Variants in ZNF804B observed in about 807,000 individuals in gnomAD.
ZNF804B encodes zinc finger protein 804B, also known as zinc finger 804B.
ZNF804B carries 80 observed loss-of-function variants against 101.4 expected under a neutral mutation model. The observed-to-expected ratio is 0.79, with a 90% confidence interval of 0.66 to 0.95. The LOEUF (loss-of-function observed/expected upper bound fraction) is 0.95, where lower values mean the gene tolerates loss of function less well. Among genes scored for constraint, ZNF804B ranks in the 40% least tolerant of loss-of-function variants. The probability of loss-of-function intolerance (pLI) is 0.00; values close to 1 mark genes in which losing one functional copy is unlikely to be tolerated. For missense variants in ZNF804B, 1,673 were observed against 1,561.9 expected (o/e 1.07, Z -1.20); for synonymous variants, 622 against 558.8 (o/e 1.11, Z -1.59).
At chr7:88,924,109 T>G (rs1354549835) in intron 1 of ZNF804B, among the ~76,000 whole-genome samples, 2 of 152,070 alleles carry the variant, frequency 1.3e-5, no homozygotes, top group African/African-American at 4.8e-5. Context: ...GATGTATGTG[T>G]TTTTTAAAAA....
chr7:89,235,304 G>T (rs1459249732), intron 2 of ZNF804B, among the ~76,000 whole-genome samples: 2 of 152,120 alleles, frequency 1.3e-5, no homozygotes, highest in African/African-American at 2.4e-5. Flanking sequence ...GCAGATGCAG[G>T]TGTATATTGC....
At chr7:89,092,545 T>A (rs1212559744) in intron 1 of ZNF804B, among the ~76,000 whole-genome samples, 1 of 150,442 alleles carries the variant, frequency 6.6e-6, no homozygotes, top group African/African-American at 2.4e-5. Context: ...CCCGAGCAAC[T>A]GGGACTACAG....
At position 89,327,436 on chromosome 7, in the gene ZNF804B, A is replaced by C. The variant is rs1484691465; in HGVS notation, c.342A>C (p.Arg114=). 1 of 1,611,554 alleles carries C rather than the reference A, an allele frequency of 6.2e-7. No homozygotes were observed. Among genetic ancestry groups the C allele is most frequent in the African/African-American group, 1.3e-5 (1 of 74,832 alleles). Residue 114 remains arginine, a synonymous_variant, in exon 3 of 4, where the codon CGA becomes CGC. Transcript: ENST00000333190. ...DEKKQEKALK[R]LHQLAELRQQ... is the part of the protein sequence containing the mutation. Reference sequence around the variant, plus strand: ...AAAAACAAGAAAAAGCACTTAAACGACTTCATCAGCTGGCTGAGTTAAGGC... The same window carrying C: ...AAAAACAAGAAAAAGCACTTAAACGCCTTCATCAGCTGGCTGAGTTAAGGC...
At chr7:88,903,059 A>G (rs1344138788) in intron 1 of ZNF804B, among the ~76,000 whole-genome samples, 1 of 152,096 alleles carries the variant, frequency 6.6e-6, no homozygotes, top group Non-Finnish European at 1.5e-5. Flanking sequence ...TAATAAGCAT[A>G]GTACCCAATA....
At chr7:89,013,012 G>A (rs1383831909) in intron 1 of ZNF804B, among the ~76,000 whole-genome samples, 1 of 152,090 alleles carries the variant, frequency 6.6e-6, no homozygotes, top group Non-Finnish European at 1.5e-5. Context: ...ATGCAAGCAG[G>A]GGAAATGCCA....
At chr7:89,035,222 G>T (rs1367310351) in intron 1 of ZNF804B, among the ~76,000 whole-genome samples, 1 of 152,008 alleles carries the variant, frequency 6.6e-6, no homozygotes, top group Non-Finnish European at 1.5e-5. Flanking sequence ...AACAAACATG[G>T]TTACTGTTAT....
intron 1 of ZNF804B, among the ~76,000 whole-genome samples, chr7:89,192,901 C>G (rs906531852): frequency 6.6e-6 from 1 of 152,044 alleles, no homozygotes; most frequent in Non-Finnish European, 1.5e-5. Flanking sequence ...AAACTAACCA[C>G]ATGATTATCT....
At chr7:88,839,383 CCT>C (rs1791263591) in intron 1 of ZNF804B, among the ~76,000 whole-genome samples, 1 of 151,872 alleles carries the variant, frequency 6.6e-6, no homozygotes, top group Non-Finnish European at 1.5e-5. Flanking sequence ...ATATAACCTA[CCT>C]TAGGTATAAC....
At chr7:88,920,110 A>G (rs1792698337) in intron 1 of ZNF804B, among the ~76,000 whole-genome samples, 1 of 152,114 alleles carries the variant, frequency 6.6e-6, no homozygotes, top group Admixed American at 6.6e-5. Flanking sequence ...TTGATGCACA[A>G]GGTTAAAAAA....
chr7:88,923,702 A>T (rs906748266), intron 1 of ZNF804B, among the ~76,000 whole-genome samples: 3 of 152,062 alleles, frequency 2.0e-5, no homozygotes, highest in Non-Finnish European at 2.9e-5. Flanking sequence ...ATTTTTCCTG[A>T]GGTAATAGGT....
intron 1 of ZNF804B, among the ~76,000 whole-genome samples, chr7:88,856,543 C>T (rs1300896354): frequency 7.2e-5 from 11 of 152,110 alleles, no homozygotes; most frequent in East Asian, 1.9e-4. Flanking sequence ...ACAATCATGT[C>T]GTCTGCAAAC....
At chr7:89,129,132 G>C (rs7801620) in intron 1 of ZNF804B, among the ~76,000 whole-genome samples, 44,521 of 151,680 alleles carry the variant, frequency 0.29, 7,080 homozygotes, top group East Asian at 0.58. Context: ...AATAATTCTT[G>C]GGTATTAATC....
intron 1 of ZNF804B, among the ~76,000 whole-genome samples, chr7:88,985,652 C>T (rs1187079540): frequency 6.6e-6 from 1 of 152,114 alleles, no homozygotes; most frequent in Non-Finnish European, 1.5e-5. Flanking sequence ...AAGCCACAAA[C>T]ATTTAAGCTG....
rs181750359 is a variant in ZNF804B, at chr7:88,900,452, G to A, written c.108+140368G>A. Among the ~76,000 whole-genome samples, 305 of 151,218 alleles carry A rather than the reference G, an allele frequency of 2.0e-3. 3 individuals are homozygous for A. Among genetic ancestry groups the A allele is most frequent in the Non-Finnish European group, 3.1e-3 (212 of 67,662 alleles). ...AAGCCAGAAACTTAAGAAATAGTTT[G>A]AGATTAAAGACTATTTCAAATAGAC... On this transcript the variant is annotated intron_variant, in intron 1 of 3. Transcript: ENST00000333190.
At chr7:89,241,101 C>A (rs1163804701) in intron 2 of ZNF804B, among the ~76,000 whole-genome samples, 2 of 152,076 alleles carry the variant, frequency 1.3e-5, no homozygotes, top group Non-Finnish European at 2.9e-5. Flanking sequence ...TTTGTTTTTA[C>A]TGTTGTTTTA....
At chr7:88,896,796 T>C (rs1329124245) in intron 1 of ZNF804B, among the ~76,000 whole-genome samples, 4 of 152,166 alleles carry the variant, frequency 2.6e-5, no homozygotes, top group Non-Finnish European at 5.9e-5. Flanking sequence ...AGTGCCTTTG[T>C]AAGAGGAAAG....
intron 1 of ZNF804B, among the ~76,000 whole-genome samples, chr7:89,113,251 A>G (rs1471846851): frequency 2.6e-5 from 4 of 152,228 alleles, no homozygotes; most frequent in Admixed American, 6.5e-5. Flanking sequence ...TAGCATGAAG[A>G]TAGTTTGTTC....
intron 1 of ZNF804B, among the ~76,000 whole-genome samples, chr7:89,077,338 AAAG>A (rs1468611927): frequency 1.3e-5 from 2 of 152,162 alleles, no homozygotes; most frequent in Non-Finnish European, 2.9e-5. Flanking sequence ...GAAAGTGAAG[AAAG>A]AAGGTTGACA....
chr7:89,089,061 T>C (rs1789847048), intron 1 of ZNF804B, among the ~76,000 whole-genome samples: 1 of 150,788 alleles, frequency 6.6e-6, no homozygotes, highest in Non-Finnish European at 1.5e-5. Context: ...TTTTTTCTTT[T>C]TTTTTTTTTT....
Sources: gnomAD v4.1 joint callset for allele counts (sites outside exome capture counted in the v4.1 genomes callset) on GRCh38, gnomAD v4.1.1 for gene constraint, MANE v1.5 for transcripts, NCBI Gene and HGNC (gene_info 2026-07-23, HGNC 2026-07-21) for gene names.